CCDC152: variants seen among roughly 807,000 people sequenced by gnomAD.
CCDC152 encodes the protein coiled-coil domain-containing protein 152.
In CCDC152, 37 loss-of-function variants were observed where a neutral mutation model predicts 38.1. The ratio of observed to expected loss-of-function variants is 0.97; its 90% CI spans 0.75 to 1.28. The LOEUF (loss-of-function observed/expected upper bound fraction) is 1.28, where lower values mean the gene tolerates loss of function less well. CCDC152 is among the 50% of genes most tolerant of loss of function. The pLI is 0.00. For missense variants in CCDC152, 259 were observed against 292.1 expected, an observed-to-expected ratio of 0.89 and a Z score of 0.83; for synonymous variants, 83 against 87.1, an observed-to-expected ratio of 0.95 and a Z score of 0.26.
rs139954673 is a variant in CCDC152 at position 42,801,218 on chromosome 5, C to T, written c.*1437C>T. 133 of 1,614,074 alleles carry T rather than the reference C, an allele frequency of 8.2e-5. No individual in the cohort carries two copies. The East Asian group carries it at 2.8e-3, about 34-fold the overall frequency. On this transcript the variant is annotated 3_prime_UTR_variant, in exon 9 of 9. Coordinates refer to ENST00000361970, the MANE Select transcript of CCDC152 (RefSeq NM_001134848.2). ...CTGAAAGCTCACTGCTGCCAAGGTG[C>T]TGATGTCCATGATTGTGATGATGCT...
At chr5:42,777,462 C>G (rs147133331) in intron 4 of CCDC152, among the ~76,000 whole-genome samples, 219 of 109,918 alleles carry the variant, frequency 2.0e-3, no homozygotes, top group African/African-American at 6.0e-3. Context: ...GACTTCATCT[C>G]AATATAAAAA....
rs796922624 is a variant in CCDC152 at position 42,802,372 on chromosome 5, T to A, written c.*2591T>A. 5 of 152,296 alleles carry A rather than the reference T, an allele frequency of 3.3e-5. No homozygotes were observed. The highest frequency in any genetic ancestry group is 1.2e-4 in the African/African-American group (5 of 41,568). The allele number at this position is 152,296 out of a possible 1,614,324, so 9.4% of individuals were successfully genotyped here. A position where few individuals can be genotyped will look rare whatever the true frequency, so the allele number is the denominator to read the frequency against. The stretch of plus-strand genomic sequence containing the variant: ...ACTTAGAACCCAAAGACTCACTAAG[T>A]GATATGCTTTTGATGTTTTGAAGGT... On this transcript the variant is annotated 3_prime_UTR_variant, in exon 9 of 9. Transcript: ENST00000361970.
At chr5:42,759,050 T>G in intron 1 of CCDC152, 70 bp from the exon 2 acceptor site, 1 of 1,077,552 alleles carries the variant, frequency 9.3e-7, no homozygotes, top group Non-Finnish European at 1.3e-6. Context: ...GTATTTGAGC[T>G]ATGAACACTA....
intron 7 of CCDC152, among the ~76,000 whole-genome samples, chr5:42,798,386 G>T (rs1391652387): frequency 2.0e-5 from 3 of 152,040 alleles, no homozygotes; most frequent in Non-Finnish European, 4.4e-5. Flanking sequence ...AGGGTACTTG[G>T]TGAGTTACCT....
intron 5 of CCDC152, among the ~76,000 whole-genome samples, chr5:42,779,807 C>T (rs1048370493): frequency 9.9e-5 from 15 of 151,994 alleles, no homozygotes; most frequent in African/African-American, 3.4e-4. Flanking sequence ...TATTTTGCTA[C>T]ATAATTTTCA....
At chr5:42,793,694 C>T (rs575190020) in intron 6 of CCDC152, among the ~76,000 whole-genome samples, 2 of 152,260 alleles carry the variant, frequency 1.3e-5, no homozygotes, top group African/African-American at 4.8e-5. Context: ...CTGCAACCTC[C>T]ACCTCCCAGG....
At chr5:42,785,873 T>C (rs1352001064) in intron 6 of CCDC152, among the ~76,000 whole-genome samples, 2 of 152,150 alleles carry the variant, frequency 1.3e-5, no homozygotes, top group East Asian at 3.8e-4. Context: ...CTGCATATAC[T>C]GAAATGATAA....
intron 4 of CCDC152, among the ~76,000 whole-genome samples, chr5:42,776,980 A>T (rs2111559529): frequency 6.6e-6 from 1 of 152,288 alleles, no homozygotes. Context: ...AAATTAATTT[A>T]AGCTTCCACT....
chr5:42,769,498 C>T (rs536588632), intron 3 of CCDC152, 99 bp from the exon 4 acceptor site: 28,122 of 1,291,870 alleles, frequency 0.022, 375 homozygotes, highest in Middle Eastern at 0.051. Flanking sequence ...ATCACCATGC[C>T]TGGCTTAAAT....
At chr5:42,771,507 C>A in intron 4 of CCDC152, among the ~76,000 whole-genome samples, 3 of 148,240 alleles carry the variant, frequency 2.0e-5, no homozygotes, top group African/African-American at 5.0e-5. Context: ...AAAAAATAAA[C>A]TAAATTGACA....
chr5:42,775,077 A>C (rs748940230), intron 4 of CCDC152, among the ~76,000 whole-genome samples: 1 of 152,054 alleles, frequency 6.6e-6, no homozygotes, highest in Non-Finnish European at 1.5e-5. Context: ...AAACAGTGTA[A>C]TAACTACGAA....
At chr5:42,758,380 C>T (rs148242018) in intron 1 of CCDC152, among the ~76,000 whole-genome samples, 271 of 152,290 alleles carry the variant, frequency 1.8e-3, no homozygotes, top group African/African-American at 6.0e-3. Flanking sequence ...TACATTGGTT[C>T]ATGTTTTTTC....
In CCDC152 at chr5:42,771,110, G is replaced by T. The variant is rs2972773; in HGVS notation, c.262+1445G>T. ...CTTTATGTCTTTCTCTTTCCTAATT[G>T]CTCTAAGATTTCCAACACTATGTTG... On this transcript the variant is annotated intron_variant, in intron 4 of 8. Transcript: ENST00000361970. Among the ~76,000 whole-genome samples the T allele has an allele frequency of 2.0e-3, 308 of 152,038 alleles. 2 individuals are homozygous for T. Among genetic ancestry groups the T allele is most frequent in the African/African-American group, 7.0e-3 (291 of 41,486 alleles).
At chr5:42,772,462 C>T (rs994087667) in intron 4 of CCDC152, among the ~76,000 whole-genome samples, 4 of 152,054 alleles carry the variant, frequency 2.6e-5, no homozygotes, top group Non-Finnish European at 5.9e-5. Flanking sequence ...TCCTGGCCAA[C>T]ATGGTGAAAC....
intron 6 of CCDC152, among the ~76,000 whole-genome samples, chr5:42,789,650 A>G (rs1759972140): frequency 6.6e-6 from 1 of 152,164 alleles, no homozygotes; most frequent in African/African-American, 2.4e-5. Flanking sequence ...TATTAAATGT[A>G]TAATTAATAA....
intron 5 of CCDC152, among the ~76,000 whole-genome samples, chr5:42,782,936 G>A (rs374140655): frequency 2.0e-5 from 3 of 151,500 alleles, no homozygotes; most frequent in South Asian, 2.1e-4. Flanking sequence ...GTGCCATCTC[G>A]GCTCACTGCA....
At chr5:42,757,557 A>G (rs1428190363) in intron 1 of CCDC152, among the ~76,000 whole-genome samples, 1 of 152,184 alleles carries the variant, frequency 6.6e-6, no homozygotes, top group Non-Finnish European at 1.5e-5. Flanking sequence ...AAGGAATTTG[A>G]CAAGCACTGA....
At chr5:42,798,013 G>A (rs933510853) in intron 7 of CCDC152, among the ~76,000 whole-genome samples, 2 of 152,096 alleles carry the variant, frequency 1.3e-5, no homozygotes, top group African/African-American at 4.8e-5. Flanking sequence ...TTAACTGGGC[G>A]TGATGGCAGA....
rs1368849788 is a variant in CCDC152, at chr5:42,800,855, C to G, written c.*1074C>G. 1 of 1,614,190 alleles carries G rather than the reference C, an allele frequency of 6.2e-7. No homozygotes were observed. Among genetic ancestry groups the G allele is most frequent in the Non-Finnish European group, 8.5e-7 (1 of 1,180,042 alleles). On this transcript the variant is annotated 3_prime_UTR_variant, in exon 9 of 9. Coordinates refer to ENST00000361970, the MANE Select transcript of CCDC152 (RefSeq NM_001134848.2). ...GTCACTGACAAGATTCAGTTATGTT[C>G]TCCTCTGCCCGAAGTCCCTGTCAGC...
Sources: gnomAD v4.1 joint callset for allele counts (sites outside exome capture counted in the v4.1 genomes callset) on GRCh38, gnomAD v4.1.1 for gene constraint, MANE v1.5 for transcripts, NCBI Gene and HGNC (gene_info 2026-07-23, HGNC 2026-07-21) for gene names.